The following ADAMTS20 variants were observed in gnomAD, a reference collection of about 807,000 sequenced individuals.
ADAMTS20 encodes A disintegrin and metalloproteinase with thrombospondin motifs 20.
A neutral mutation model predicts 260.1 loss-of-function variants in ADAMTS20; 225 were observed. The ratio of observed to expected loss-of-function variants is 0.87; its 90% CI spans 0.78 to 0.97. The LOEUF (loss-of-function observed/expected upper bound fraction) is 0.97, where lower values mean the gene tolerates loss of function less well. Among genes scored for constraint, ADAMTS20 ranks in the 50% least tolerant of loss-of-function variants. The probability of loss-of-function intolerance (pLI) is 0.00; values close to 1 mark genes in which losing one functional copy is unlikely to be tolerated. For missense variants in ADAMTS20, 2,400 were observed against 2,337.7 expected (o/e 1.03, Z -0.55); for synonymous variants, 802 against 769.5 (o/e 1.04, Z -0.70).
In ADAMTS20 at chr12:43,428,434, C is replaced by A; in HGVS notation, c.3752G>T (p.Arg1251Leu). Residue 1251 changes from arginine (R) to leucine (L), a missense_variant, in exon 26 of 39, where the codon CGC becomes CTC. Coordinates refer to ENST00000389420, the MANE Select transcript of ADAMTS20 (RefSeq NM_025003.5). ...GCTACATTCCTGTTCCATCAAAGGG[C>A]GAACTTCAGGATCACAGTAATTCTC... ...IDENYCDPEV[R>L]PLMEQECSLA... 6.2e-7 allele frequency: 1 copy of A among 1,613,812 alleles called. No individual in the cohort carries two copies. The highest frequency in any genetic ancestry group is 8.5e-7 in the Non-Finnish European group (1 of 1,179,852).
intron 16 of ADAMTS20, among the ~76,000 whole-genome samples, chr12:43,442,670 G>T (rs1439155906): frequency 1.3e-5 from 2 of 152,118 alleles, no homozygotes; most frequent in Non-Finnish European, 2.9e-5. Flanking sequence ...CTCCAATATG[G>T]TAGCATATAT....
intron 7 of ADAMTS20, among the ~76,000 whole-genome samples, chr12:43,480,933 T>C (rs1207106992): frequency 6.6e-6 from 1 of 151,968 alleles, no homozygotes; most frequent in African/African-American, 2.4e-5. Flanking sequence ...TAATAATGTA[T>C]TATAATAACT....
intron 23 of ADAMTS20, 146 bp downstream of exon 23, chr12:43,430,206 C>T: frequency 1.1e-6 from 1 of 904,304 alleles, no homozygotes; most frequent in Non-Finnish European, 1.5e-6. Context: ...ACAACAAATT[C>T]TATTTTTTTG....
At chr12:43,542,653 T>C (rs1943392194) in intron 2 of ADAMTS20, among the ~76,000 whole-genome samples, 1 of 152,340 alleles carries the variant, frequency 6.6e-6, no homozygotes, top group African/African-American at 2.4e-5. Flanking sequence ...AGTTTTTCCC[T>C]ATAATAAGTT....
Position 43,432,676 on chromosome 12 carries a change from C to A in ADAMTS20, c.2856G>T (p.Gln952His), listed in dbSNP as rs1161369149. 3.7e-6 allele frequency: 6 copies of A among 1,613,796 alleles called. No homozygotes were observed. Among genetic ancestry groups the A allele is most frequent in the Admixed American group, 1.7e-5 (1 of 59,990 alleles). Residue 952 changes from glutamine (Q) to histidine (H), a missense_variant, in exon 20 of 39, where the codon CAG (glutamine) becomes CAT (histidine). Transcript: ENST00000389420. ...VQVDDHYCGD[Q>H]LKPPTQELCH... is the part of the protein sequence containing the mutation. ...ATAGTTCTTGGGTAGGAGGTTTAAG[C>A]TGGTCACCACAGTAGTGGTCATCAA...
intron 37 of ADAMTS20, among the ~76,000 whole-genome samples, chr12:43,359,358 G>C (rs942358371): frequency 3.3e-5 from 5 of 152,144 alleles, no homozygotes; most frequent in Non-Finnish European, 7.4e-5. Flanking sequence ...GGATTGACTG[G>C]TTGGTTCATG....
chr12:43,384,024 A>C, intron 29 of ADAMTS20, 47 bp from the exon 30 acceptor site: 5 of 1,525,214 alleles, frequency 3.3e-6, no homozygotes, highest in Non-Finnish European at 4.4e-6. Context: ...ATAAATACCA[A>C]ATTATATAAA....
At chr12:43,424,710 T>C (rs916983019) in intron 28 of ADAMTS20, among the ~76,000 whole-genome samples, 2 of 152,032 alleles carry the variant, frequency 1.3e-5, no homozygotes, top group Non-Finnish European at 2.9e-5. Context: ...CAACATTATA[T>C]ATAAACATAA....
chr12:43,486,519 C>T (rs1942525318), intron 7 of ADAMTS20, among the ~76,000 whole-genome samples: 1 of 151,928 alleles, frequency 6.6e-6, no homozygotes, highest in Non-Finnish European at 1.5e-5. Flanking sequence ...TTGGCCTAGG[C>T]AAAGAATTTA....
chr12:43,439,772 A>G lies in ADAMTS20; in HGVS notation c.2464-21T>C. ...AACACCTCAATAAGAATATAAAAGA[A>G]CATACAATTAATACATAAAAATATA... On this transcript the variant is annotated intron_variant, in intron 17 of 38. Transcript: ENST00000389420. The G allele has an allele frequency of 3.1e-6, 5 of 1,593,056 alleles. No individual in the cohort carries two copies. In the Middle Eastern group the frequency reaches 5.1e-4, roughly 163 times the overall value.
At chr12:43,363,739 T>A (rs1209735942) in intron 37 of ADAMTS20, among the ~76,000 whole-genome samples, 1 of 152,204 alleles carries the variant, frequency 6.6e-6, no homozygotes, top group African/African-American at 2.4e-5. Flanking sequence ...AGGAGGGTAG[T>A]AGCTCAATGA....
intron 3 of ADAMTS20, among the ~76,000 whole-genome samples, chr12:43,513,402 C>T (rs529409669): frequency 1.3e-5 from 2 of 152,282 alleles, no homozygotes; most frequent in East Asian, 3.9e-4. Flanking sequence ...TGTTCATTCA[C>T]GAACTCAAAG....
intron 16 of ADAMTS20, among the ~76,000 whole-genome samples, chr12:43,441,071 A>C (rs983294705): frequency 7.0e-6 from 1 of 142,974 alleles, no homozygotes; most frequent in Non-Finnish European, 1.5e-5. Context: ...TCTCCAAAAA[A>C]AAAAAACAAA....
intron 2 of ADAMTS20, among the ~76,000 whole-genome samples, chr12:43,536,131 T>A (rs1241390096): frequency 6.6e-6 from 1 of 152,078 alleles, no homozygotes; most frequent in Non-Finnish European, 1.5e-5. Flanking sequence ...TTCCACCTAA[T>A]AATAATTATT....
intron 11 of ADAMTS20, among the ~76,000 whole-genome samples, chr12:43,459,802 C>T (rs978489757): frequency 1.6e-4 from 25 of 152,066 alleles, no homozygotes; most frequent in Admixed American, 1.6e-3. Flanking sequence ...GTACTATGTG[C>T]GTGTGCATTT....
At position 43,404,178 on chromosome 12, in the gene ADAMTS20, GACACACACACAC is replaced by G. The variant is rs3031172; in HGVS notation, c.4285-4957_4285-4946del. On this transcript the variant is annotated intron_variant, in intron 28 of 38. Coordinates refer to ENST00000389420, the MANE Select transcript of ADAMTS20 (RefSeq NM_025003.5). ...CTGCTGAGAACAGACATATTGTGGG[GACACACACACAC>G]ACACACACACACACACACACACACA... Among the ~76,000 whole-genome samples, 31 of 146,006 alleles carry G rather than the reference GACACACACACAC, an allele frequency of 2.1e-4. No homozygotes were observed. In the East Asian group the frequency reaches 3.0e-3, roughly 14 times the overall value.
intron 3 of ADAMTS20, among the ~76,000 whole-genome samples, chr12:43,518,894 G>C (rs1943034781): frequency 6.6e-6 from 1 of 150,380 alleles, no homozygotes; most frequent in Non-Finnish European, 1.5e-5. Context: ...CTGTCAGCTT[G>C]ACCATCAAAA....
At position 43,454,031 on chromosome 12, in the gene ADAMTS20, C is replaced by T. The variant is rs367622006; in HGVS notation, c.1636G>A (p.Val546Ile). Residue 546 changes from valine (V) to isoleucine (I), a missense_variant, in exon 12 of 39, where the codon GTA becomes ATA. By Grantham distance (29) the Val-to-Ile change is conservative. Coordinates refer to ENST00000389420, the MANE Select transcript of ADAMTS20 (RefSeq NM_025003.5). ...PGMHCRHGLC[V>I]NKETETRPVN... is the part of the protein sequence containing the mutation. ...GGACGTGTTTCCGTTTCTTTGTTTACACATAGCCCATGACGGCAATGCTAT... is the reference window on the plus strand; with the variant it reads ...GGACGTGTTTCCGTTTCTTTGTTTATACATAGCCCATGACGGCAATGCTAT... 3 of 1,613,490 alleles carry T rather than the reference C, an allele frequency of 1.9e-6. No individual in the cohort carries two copies. The highest frequency in any genetic ancestry group is 2.7e-5 in the African/African-American group (2 of 74,908).
chr12:43,508,296 A>G (rs1592102801), intron 3 of ADAMTS20, among the ~76,000 whole-genome samples: 2 of 152,226 alleles, frequency 1.3e-5, no homozygotes, highest in South Asian at 4.1e-4. Flanking sequence ...GAAACATTTA[A>G]TAACACCAAA....
Sources: gnomAD v4.1 joint callset for allele counts (sites outside exome capture counted in the v4.1 genomes callset) on GRCh38, gnomAD v4.1.1 for gene constraint, MANE v1.5 for transcripts, NCBI Gene and HGNC (gene_info 2026-07-23, HGNC 2026-07-21) for gene names.